BCORL1: variants seen among roughly 807,000 people sequenced by gnomAD.
BCORL1 encodes BCL6 corepressor like 1.
A neutral mutation model predicts 87.6 loss-of-function variants in BCORL1; 7 were observed. That is an observed-to-expected ratio of 0.08 (90% CI 0.05 to 0.15). The LOEUF (loss-of-function observed/expected upper bound fraction) is 0.15. BCORL1 is among the 10% of genes least tolerant of loss of function. The pLI is 1.00. For synonymous variants in BCORL1, 591 were observed against 634.4 expected (o/e 0.93, Z 1.03); for missense variants, 1,215 against 1,499.7 (o/e 0.81, Z 3.13).
chrX:130,042,545 G>T (rs928643987), intron 11 of BCORL1, among the ~76,000 whole-genome samples: 2 of 112,552 alleles, frequency 1.8e-5, no homozygotes, highest in African/African-American at 6.4e-5. Context: ...GCAGGCACTG[G>T]CAGGAGTCAG....
At position 130,013,342 on chromosome X, in the gene BCORL1, C is replaced by T; in HGVS notation, c.570C>T (p.Pro190=). The change falls in exon 4 of 14, where the codon CCC becomes CCT. Residue 190 remains proline (P), a synonymous_variant. Transcript: ENST00000540052. ...GTGVPVEGTL[P]LVTTNFSPLP... ...GAGTCCCTGTGGAGGGGACCCTGCC[C>T]CTGGTTACCACTAACTTCAGTCCTC... 8.3e-7 allele frequency: 1 copy of T among 1,211,566 alleles called. No individual in the cohort carries two copies. Among genetic ancestry groups the T allele is most frequent in the Non-Finnish European group, 1.1e-6 (1 of 895,349 alleles).
intron 11 of BCORL1, among the ~76,000 whole-genome samples, chrX:130,042,497 A>G (rs760886425): frequency 8.9e-6 from 1 of 112,028 alleles, no homozygotes; most frequent in South Asian, 3.7e-4. Context: ...TTTTCCATGC[A>G]AAGGCAGCCT....
chrX:130,037,399 T>G lies in BCORL1; in HGVS notation c.4560T>G (p.Ser1520Arg). The G allele has an allele frequency of 8.3e-7, 1 of 1,211,424 alleles. No homozygotes were observed. Among genetic ancestry groups the G allele is most frequent in the African/African-American group, 1.7e-5 (1 of 57,735 alleles). Residue 1520 changes from serine (S) to arginine (R), a missense_variant, in exon 10 of 14, where the codon AGT becomes AGG. Coordinates refer to ENST00000540052, the MANE Select transcript of BCORL1 (RefSeq NM_001379451.1). ...DVVLYCLQKDSEDVNHRDNAG... is the reference protein window; with the variant it reads ...DVVLYCLQKDREDVNHRDNAG... ...TTCTCTACTGCCTCCAGAAAGACAG[T>G]GAAGATGTGAATCACCGTGACAATG...
At chrX:130,052,067 A>G in intron 13 of BCORL1, 51 bp downstream of exon 13, 1 of 1,100,079 alleles carries the variant, frequency 9.1e-7, no homozygotes, top group Non-Finnish European at 1.2e-6. Flanking sequence ...CCTGGCACTC[A>G]GTAGGAAGGT....
At chrX:129,982,465 TC>T (rs1360183219), upstream of BCORL1, 3 of 105,644 alleles carry the variant, frequency 2.8e-5, no homozygotes, top group South Asian at 4.3e-4. Flanking sequence ...TCCTCCCCAT[TC>T]CCCCCCACCC....
chrX:130,035,909 G>T (rs1367373208), intron 9 of BCORL1, among the ~76,000 whole-genome samples: 1 of 112,316 alleles, frequency 8.9e-6, no homozygotes, highest in African/African-American at 3.2e-5. Context: ...CTTTCTCCCG[G>T]GTAAAGGAGC....
At chrX:129,981,875 G>A (rs1926122360), upstream of BCORL1, 1 of 88,904 alleles carries the variant, frequency 1.1e-5, no homozygotes, top group Non-Finnish European at 2.2e-5. Context: ...GCGAGCCCCG[G>A]CTTCAGGGGA....
At chrX:130,049,216 C>T (rs1275200929) in intron 11 of BCORL1, among the ~76,000 whole-genome samples, 6 of 112,179 alleles carry the variant, frequency 5.3e-5, no homozygotes, top group South Asian at 3.7e-4. Flanking sequence ...TTTTGAGGAA[C>T]GACCAAACTT....
chrX:130,022,236 CTTTTTTTTTTTTTT>C (rs34598574), intron 5 of BCORL1, among the ~76,000 whole-genome samples: 7 of 56,312 alleles, frequency 1.2e-4, no homozygotes, highest in Admixed American at 1.0e-3. Context: ...TTCTTTCTTT[CTTTTTTTTTTTTTT>C]TTTTTTTTTT....
At chrX:130,005,879 G>A (rs1928450032) in intron 2 of BCORL1, among the ~76,000 whole-genome samples, 1 of 110,119 alleles carries the variant, frequency 9.1e-6, no homozygotes. Context: ...GCCTGCCTCA[G>A]CCTCCCCAAA....
chrX:130,015,593 G>A lies in BCORL1; in HGVS notation c.2821G>A (p.Gly941Ser), dbSNP rs757728917. 36 of 1,210,845 alleles carry A rather than the reference G, an allele frequency of 3.0e-5. No homozygotes were observed. Among genetic ancestry groups the A allele is most frequent in the African/African-American group, 1.2e-4 (7 of 57,441 alleles). ...CCTGGCACTGTCTGTTCAGCCTAGCGGTGGGGACATTCGAATGAATCAGGG... is the reference window on the plus strand; with the variant it reads ...CCTGGCACTGTCTGTTCAGCCTAGCAGTGGGGACATTCGAATGAATCAGGG... ...GTLALSVQPS[G>S]GDIRMNQGPE... The change falls in exon 4 of 14, where the codon GGT becomes AGT. Residue 941 changes from glycine (G) to serine (S), a missense_variant. Around this residue, in one of 5 missense-constraint regions of BCORL1, gnomAD observed 861 missense variants for 1,010.0 expected, o/e 0.85. Transcript: ENST00000540052.
chrX:130,006,486 G>A (rs995268644), intron 2 of BCORL1, among the ~76,000 whole-genome samples: 21 of 107,678 alleles, frequency 2.0e-4, no homozygotes, highest in Non-Finnish European at 3.6e-4. Flanking sequence ...TCAGCCTCCC[G>A]AGTAGCTGGG....
intron 1 of BCORL1, among the ~76,000 whole-genome samples, chrX:129,990,346 C>T (rs952733555): frequency 5.4e-5 from 6 of 111,114 alleles, no homozygotes; most frequent in Admixed American, 9.5e-5. Context: ...ATCCTCCTGC[C>T]TCAGCCTCCT....
Position 130,015,766 on chromosome X carries a change from C to T in BCORL1, c.2994C>T (p.Ala998=). 8.3e-7 allele frequency: 1 copy of T among 1,211,874 alleles called. No homozygotes were observed. Among genetic ancestry groups the T allele is most frequent in the Non-Finnish European group, 1.1e-6 (1 of 895,525 alleles). ...ATYMSHELVL[A]TPQNLPKMPE... ...ACATGTCCCATGAGCTGGTCCTGGC[C>T]ACCCCCCAGAACCTGCCTAAGATGC... Residue 998 remains alanine (A), a synonymous_variant, in exon 4 of 14, where the codon GCC becomes GCT. Coordinates refer to ENST00000540052, the MANE Select transcript of BCORL1 (RefSeq NM_001379451.1).
Position 130,014,028 on chromosome X carries a change from G to A in BCORL1, c.1256G>A (p.Arg419Lys), listed in dbSNP as rs773725938. Residue 419 changes from arginine (R) to lysine (K), a missense_variant, in exon 4 of 14, where the codon AGA becomes AAA. This residue lies in a region of BCORL1 where 861 missense variants were observed against 1,010.0 expected (regional missense o/e 0.85). Coordinates refer to ENST00000540052, the MANE Select transcript of BCORL1 (RefSeq NM_001379451.1). The part of the protein sequence containing the change: ...APIPASFSLS[R>K]VCFPAAQAPA... ...ATCCCGGCCTCCTTCAGTTTGAGTA[G>A]AGTGTGCTTTCCTGCAGCTCAGGCA... The A allele has an allele frequency of 1.7e-6, 2 of 1,210,364 alleles. No individual in the cohort carries two copies. Among genetic ancestry groups the A allele is most frequent in the Non-Finnish European group, 2.2e-6 (2 of 894,839 alleles).
At chrX:129,990,613 A>G (rs1249681417) in intron 1 of BCORL1, among the ~76,000 whole-genome samples, 1 of 111,450 alleles carries the variant, frequency 9.0e-6, no homozygotes, top group African/African-American at 3.3e-5. Flanking sequence ...CATGAAAACT[A>G]TCAACAGCTT....
chrX:130,012,219 C>T (rs1463826944), intron 2 of BCORL1, among the ~76,000 whole-genome samples: 1 of 111,850 alleles, frequency 8.9e-6, no homozygotes, highest in Non-Finnish European at 1.9e-5. Flanking sequence ...CATGTCTCCC[C>T]TTTGAGCAAT....
At chrX:130,033,053 A>G (rs1930717482) in intron 8 of BCORL1, among the ~76,000 whole-genome samples, 1 of 105,287 alleles carries the variant, frequency 9.5e-6, no homozygotes, top group African/African-American at 3.5e-5. Flanking sequence ...GTGAGCCACC[A>G]TGCCCGGCAA....
At position 130,025,110 on chromosome X, in the gene BCORL1, A is replaced by G. The variant is rs1256192993; in HGVS notation, c.3809A>G (p.Lys1270Arg). ...CCAGCTAAGCGTCGAAAGGTGAGAA[A>G]GACCCAACGGGACACCCAGTATCGC... Reference protein sequence around the residue: ...PTPAKRRKVRKTQRDTQYRSH... With the variant: ...PTPAKRRKVRRTQRDTQYRSH... Residue 1270 changes from lysine (K) to arginine (R), a missense_variant, in exon 7 of 14, where the codon AAG becomes AGG. By Grantham distance (26) the Lys-to-Arg change is conservative. This residue lies in a region of BCORL1 where 166 missense variants were observed against 196.5 expected (regional missense o/e 0.84). Coordinates refer to ENST00000540052, the MANE Select transcript of BCORL1 (RefSeq NM_001379451.1). 1 of 1,212,038 alleles carries G rather than the reference A, an allele frequency of 8.3e-7. No individual in the cohort carries two copies. The highest frequency in any genetic ancestry group is 1.1e-6 in the Non-Finnish European group (1 of 895,583).
Sources: gnomAD v4.1 joint callset for allele counts (sites outside exome capture counted in the v4.1 genomes callset) on GRCh38, gnomAD v4.1.1 for gene constraint, gnomAD v4.1.1 regional missense constraint, MANE v1.5 for transcripts, NCBI Gene and HGNC (gene_info 2026-07-23, HGNC 2026-07-21) for gene names.